Variants in SPEG observed in about 807,000 individuals in gnomAD.
SPEG encodes striated muscle preferentially expressed protein kinase.
A neutral mutation model predicts 300.4 loss-of-function variants in SPEG; 114 were observed. The observed-to-expected ratio is 0.38, with a 90% CI of 0.33 to 0.44. SPEG has a LOEUF of 0.44. SPEG is among the 20% of genes least tolerant of loss of function. The probability of loss-of-function intolerance (pLI) is 1.00; values close to 1 mark genes in which losing one functional copy is unlikely to be tolerated. For missense variants in SPEG, 4,201 were observed against 4,586.2 expected (o/e 0.92, Z 2.43); for synonymous variants, 1,964 against 2,018.9 (o/e 0.97, Z 0.73).
intron 9 of SPEG, chr2:219,466,113 CT>C: frequency 1.3e-6 from 2 of 1,588,462 alleles, no homozygotes; most frequent in Non-Finnish European, 1.7e-6. Context: ...AGCCGCGCCC[CT>C]GTCTCAGGCA....
At chr2:219,465,627 T>TGGTTGCCCGGGGTCTCTGCCTGCCCA in intron 9 of SPEG, 3 of 259,744 alleles carry the variant, frequency 1.2e-5, no homozygotes, top group African/African-American at 6.8e-5. Flanking sequence ...CATGAATGCC[T>TGGTTGCCCGGGGTCTCTGCCTGCCCA]GGTTGCCCGG....
At position 219,491,853 on chromosome 2, in the gene SPEG, G is replaced by C; in HGVS notation, c.9445G>C (p.Val3149Leu). Residue 3149 changes from valine to leucine, a missense_variant, in exon 39 of 41, where the codon GTG (valine) becomes CTG (leucine). Around this residue, in one of 4 missense-constraint regions of SPEG, gnomAD observed 318 missense variants for 429.5 expected, o/e 0.74. Transcript: ENST00000312358. Reference protein sequence around the residue: ...GSATDIWGAGVLTYIMLSGRS... With the variant: ...GSATDIWGAGLLTYIMLSGRS... ...TGCCACGGACATCTGGGGAGCGGGT[G>C]TGCTCACTTACATTATGTGAGTGTC... 6.2e-7 allele frequency: 1 copy of C among 1,610,998 alleles called. No individual in the cohort carries two copies. The highest frequency in any genetic ancestry group is 8.5e-7 in the Non-Finnish European group (1 of 1,178,628).
At chr2:219,462,178 C>G in intron 7 of SPEG, 120 bp from the exon 8 acceptor site, 1 of 1,205,276 alleles carries the variant, frequency 8.3e-7, no homozygotes, top group Non-Finnish European at 1.2e-6. Flanking sequence ...CATTCAAACC[C>G]TCTTACCCAG....
chr2:219,436,197 G>A (rs1954714627), intron 1 of SPEG, among the ~76,000 whole-genome samples: 1 of 152,258 alleles, frequency 6.6e-6, no homozygotes, highest in South Asian at 2.1e-4. Flanking sequence ...TCCAGGTGCA[G>A]TGTGAAGAAA....
At chr2:219,490,259 C>A in intron 36 of SPEG, 150 bp from the exon 37 acceptor site, 1 of 1,181,300 alleles carries the variant, frequency 8.5e-7, no homozygotes. Context: ...GGGACTCGAA[C>A]CCTGGTTTCT....
intron 22 of SPEG, 147 bp downstream of exon 22, chr2:219,478,252 A>G: frequency 2.9e-6 from 2 of 693,984 alleles, no homozygotes; most frequent in Non-Finnish European, 4.9e-6. Flanking sequence ...TATGAAAACC[A>G]ACAGTTTTAA....
chr2:219,436,821 G>T (rs1403431071), intron 1 of SPEG, among the ~76,000 whole-genome samples: 1 of 152,236 alleles, frequency 6.6e-6, no homozygotes, highest in Non-Finnish European at 1.5e-5. Context: ...TTCGGAGCTG[G>T]GGAAGGTGTG....
intron 8 of SPEG, among the ~76,000 whole-genome samples, chr2:219,463,392 A>ATTTTTTTTTTTTT (rs71040459): frequency 4.2e-5 from 1 of 23,946 alleles, no homozygotes; most frequent in Non-Finnish European, 6.8e-5. Flanking sequence ...CCCCACTGTG[A>ATTTTTTTTTTTTT]TTTTTTTTTT....
Position 219,451,349 on chromosome 2 carries a change from T to TC in SPEG, c.2257+75dup. The TC allele has an allele frequency of 6.6e-7, 1 of 1,511,706 alleles. No homozygotes were observed. 93.6% of individuals were successfully genotyped at this position (1,511,706 alleles called of 1,614,324 possible). On this transcript the variant is annotated intron_variant, in intron 5 of 40. Transcript: ENST00000312358. This position sits in a 1 kb window ranked among gnomAD's most constrained non-coding sequence, Gnocchi z 6.4. Reference sequence around the variant, plus strand: ...GGTGTGTGAGAAGGGAAGGGGAGGTTCCCCCGGACTCCTCCAAGGGAGGGG... The same window carrying TC: ...GGTGTGTGAGAAGGGAAGGGGAGGTTCCCCCCGGACTCCTCCAAGGGAGGGG...
chr2:219,472,466 C>G, intron 15 of SPEG, 135 bp downstream of exon 15: 1 of 738,770 alleles, frequency 1.4e-6, no homozygotes, highest in South Asian at 1.8e-5. Flanking sequence ...GTGGGACCAG[C>G]TTTGCCCGTC....
intron 6 of SPEG, chr2:219,461,632 T>C: frequency 1.1e-6 from 1 of 923,620 alleles, no homozygotes; most frequent in Non-Finnish European, 1.5e-6. Flanking sequence ...GCCCCAGGCC[T>C]TTCCCTATGG....
rs34398769 is a variant in SPEG at position 219,464,527 on chromosome 2, C to T, written c.2800C>T (p.Arg934Cys). The T allele has an allele frequency of 2.5e-6, 4 of 1,614,218 alleles. No homozygotes were observed. Among genetic ancestry groups the T allele is most frequent in the East Asian group, 2.2e-5 (1 of 44,888 alleles). The change falls in exon 9 of 41, where the codon CGT (arginine) becomes TGT (cysteine). Residue 934 changes from arginine to cysteine, a missense_variant. This residue lies in a region of SPEG where 1,047 missense variants were observed against 1,356.8 expected (regional missense o/e 0.77). Coordinates refer to ENST00000312358, the MANE Select transcript of SPEG (RefSeq NM_005876.5). The surrounding 1 kb of genome is among the most constrained non-coding windows in gnomAD (Gnocchi z 4.5). Reference protein sequence around the residue: ...LCRLRILAAERGDAGFYTCKA... With the variant: ...LCRLRILAAECGDAGFYTCKA... ...CCGGCTGCGGATCCTGGCTGCAGAG[C>T]GTGGCGATGCTGGTTTCTACACTTG...
chr2:219,491,002 GA>G (rs1693921755), intron 38 of SPEG, 46 bp downstream of exon 38: 1 of 1,511,938 alleles, frequency 6.6e-7, no homozygotes, highest in Non-Finnish European at 9.1e-7. Context: ...GGCCCTGCCA[GA>G]GAGGCAGCAG....
chr2:219,463,236 G>A (rs1325311990), intron 8 of SPEG, among the ~76,000 whole-genome samples: 1 of 151,742 alleles, frequency 6.6e-6, no homozygotes, highest in Non-Finnish European at 1.5e-5. Context: ...GCAACAATTT[G>A]TTTCTGAGCT....
At chr2:219,450,905 A>G (rs1231508080) in intron 4 of SPEG, 3 of 455,900 alleles carry the variant, frequency 6.6e-6, no homozygotes, top group Non-Finnish European at 1.2e-5. Flanking sequence ...GAACGGCCAC[A>G]CTAACATGGA....
At chr2:219,442,767 C>A (rs1441147036) in intron 1 of SPEG, among the ~76,000 whole-genome samples, 1 of 150,818 alleles carries the variant, frequency 6.6e-6, no homozygotes, top group Non-Finnish European at 1.5e-5. Flanking sequence ...CGTCTTCTAT[C>A]CTCTTTCTCT....
At chr2:219,465,820 CGTGCGCATGCGTGCGTGTAT>C in intron 9 of SPEG, 2 of 601,814 alleles carry the variant, frequency 3.3e-6, no homozygotes, top group South Asian at 3.7e-5. Context: ...TGTGCGTGTG[CGTGCGCATGCGTGCGTGTAT>C]GTGCATGCAT....
chr2:219,489,363 A>G lies in SPEG; in HGVS notation c.8345A>G (p.His2782Arg). The G allele has an allele frequency of 6.2e-7, 1 of 1,613,068 alleles. No homozygotes were observed. The highest frequency in any genetic ancestry group is 8.5e-7 in the Non-Finnish European group (1 of 1,179,746). Residue 2782 changes from histidine to arginine, a missense_variant, in exon 36 of 41, where the codon CAC (histidine) becomes CGC (arginine). His to Arg is a conservative substitution (Grantham distance 29, BLOSUM62 0). Coordinates refer to ENST00000312358, the MANE Select transcript of SPEG (RefSeq NM_005876.5). ...TCTTCAGCTGTGCCATCTGCTGCCCACCAAGAGGCCCCTGTCACCTCAAGG... is the reference window on the plus strand; with the variant it reads ...TCTTCAGCTGTGCCATCTGCTGCCCGCCAAGAGGCCCCTGTCACCTCAAGG... ...QDSSAVPSAA[H>R]QEAPVTSRPA...
chr2:219,435,731 T>C (rs1018378497), intron 1 of SPEG, among the ~76,000 whole-genome samples: 2 of 152,274 alleles, frequency 1.3e-5, no homozygotes, highest in Admixed American at 6.5e-5. Context: ...AACTTGAGAT[T>C]GACACTCCGA....
Sources: gnomAD v4.1 joint callset for allele counts (sites outside exome capture counted in the v4.1 genomes callset) on GRCh38, gnomAD v4.1.1 for gene constraint, gnomAD v4.1.1 regional missense constraint, Gnocchi (gnomAD v3.1) non-coding constraint, MANE v1.5 for transcripts, NCBI Gene and HGNC (gene_info 2026-07-23, HGNC 2026-07-21) for gene names.